The following DNAJB11 variants were observed in gnomAD, a reference collection of about 807,000 sequenced individuals.
DNAJB11 encodes dnaJ homolog subfamily B member 11.
Under a neutral mutation model 47.2 loss-of-function variants are expected in DNAJB11, and 30 were observed. The ratio of observed to expected loss-of-function variants is 0.64; its 90% CI spans 0.48 to 0.86. DNAJB11 has a LOEUF of 0.86. Among genes scored for constraint, DNAJB11 ranks in the 40% least tolerant of loss-of-function variants. DNAJB11 has a pLI of 0.00. For missense variants in DNAJB11, 357 were observed against 440.2 expected, an observed-to-expected ratio of 0.81 and a Z score of 1.69; for synonymous variants, 151 against 159.9, an observed-to-expected ratio of 0.94 and a Z score of 0.42.
chr3:186,577,528 T>C (rs1715340216), intron 3 of DNAJB11, 140 bp from the exon 4 acceptor site: 3 of 734,516 alleles, frequency 4.1e-6, no homozygotes, highest in African/African-American at 1.8e-5. Flanking sequence ...GTTGACTCCA[T>C]TGTATTAAAA....
In DNAJB11 at chr3:186,573,136, AAATT is replaced by A. The variant is rs574574978; in HGVS notation, c.225+890_225+893del. 4.6e-5 allele frequency among the ~76,000 whole-genome samples: 7 copies of A among 152,318 alleles called. No individual in the cohort carries two copies. In the South Asian group the frequency reaches 1.5e-3, roughly 32 times the overall value. ...TCATTTTCTAAATGGACACAGAAAA[AAATT>A]AATTGAACTAAAAGTCATAGAGCTA... is the stretch of plus-strand genomic sequence containing the variant. On this transcript the variant is annotated intron_variant, in intron 2 of 9. Coordinates refer to ENST00000265028, the MANE Select transcript of DNAJB11 (RefSeq NM_016306.6).
In DNAJB11 at chr3:186,577,563, C is replaced by A. The variant is rs1578989767; in HGVS notation, c.324-105C>A. On this transcript the variant is annotated intron_variant, in intron 3 of 9. Transcript: ENST00000265028. ...AAATACCTTGTAGTTTTGCACAATG[C>A]ATTGATAGAAACAATAGTTTATCAA... is the stretch of plus-strand genomic sequence containing the variant. 5.7e-6 allele frequency: 6 copies of A among 1,046,708 alleles called. No homozygotes were observed. In the East Asian group the frequency reaches 1.6e-4, roughly 28 times the overall value. The allele number at this position is 1,046,708 out of a possible 1,614,324, so 64.8% of individuals were successfully genotyped here.
At chr3:186,580,901 T>C (rs943073488) in intron 4 of DNAJB11, 13 of 152,760 alleles carry the variant, frequency 8.5e-5, no homozygotes, top group African/African-American at 3.1e-4. Flanking sequence ...TAGTCCTGGA[T>C]TGCATTTCCT....
At chr3:186,578,738 C>T (rs1316182414) in intron 4 of DNAJB11, 3 of 152,170 alleles carry the variant, frequency 2.0e-5, no homozygotes, top group Admixed American at 6.5e-5. Context: ...GTACTTCACT[C>T]TTGCTGCTAA....
intron 6 of DNAJB11, 126 bp downstream of exon 6, chr3:186,582,203 A>G: frequency 1.4e-6 from 1 of 726,162 alleles, no homozygotes. Flanking sequence ...ATAATTTCCA[A>G]CACTCTTCGG....
intron 1 of DNAJB11, among the ~76,000 whole-genome samples, chr3:186,571,431 C>G (rs1715050259): frequency 6.6e-6 from 1 of 152,138 alleles, no homozygotes; most frequent in African/African-American, 2.4e-5. Context: ...GCGGACGATG[C>G]TCTATGCCAA....
At chr3:186,573,454 G>A (rs907300358) in intron 2 of DNAJB11, among the ~76,000 whole-genome samples, 4 of 151,860 alleles carry the variant, frequency 2.6e-5, no homozygotes, top group East Asian at 1.9e-4. Context: ...GCACGATCTC[G>A]GCTCACTGCA....
chr3:186,581,515 T>C lies in DNAJB11; in HGVS notation c.599+2T>C. 1.2e-6 allele frequency: 2 copies of C among 1,610,504 alleles called. No individual in the cohort carries two copies. Among genetic ancestry groups the C allele is most frequent in the South Asian group, 1.1e-5 (1 of 90,618 alleles). ...CTGCGACGAATGCCCTAATGTCAAGTAAGTGAAAGCACCTTCTTTGTTCTA... is the reference window on the plus strand; with the variant it reads ...CTGCGACGAATGCCCTAATGTCAAGCAAGTGAAAGCACCTTCTTTGTTCTA... On this transcript the variant is annotated splice_donor_variant, in intron 5 of 9. Transcript: ENST00000265028. LOFTEE classifies it high-confidence loss of function.
At chr3:186,573,785 G>A (rs561470063) in intron 2 of DNAJB11, among the ~76,000 whole-genome samples, 1 of 152,238 alleles carries the variant, frequency 6.6e-6, no homozygotes, top group African/African-American at 2.4e-5. Context: ...TTGATAATAT[G>A]CATTCTATAT....
At chr3:186,574,119 A>G (rs977888788) in intron 2 of DNAJB11, among the ~76,000 whole-genome samples, 2 of 152,260 alleles carry the variant, frequency 1.3e-5, no homozygotes, top group African/African-American at 4.8e-5. Context: ...TGTTTTCTCT[A>G]CAGAGCTAGG....
At chr3:186,574,289 G>A (rs1715187584) in intron 2 of DNAJB11, among the ~76,000 whole-genome samples, 1 of 152,196 alleles carries the variant, frequency 6.6e-6, no homozygotes, top group Non-Finnish European at 1.5e-5. Flanking sequence ...GACTTCAAGA[G>A]TAGTTTTTAG....
intron 4 of DNAJB11, chr3:186,578,148 A>G (rs11926038): frequency 0.26 from 40,095 of 154,392 alleles, 6,428 homozygotes; most frequent in African/African-American, 0.45. Flanking sequence ...CCTGAATAAT[A>G]TATTGTTTAT....
At chr3:186,577,221 CAT>C (rs1482662808) in intron 3 of DNAJB11, among the ~76,000 whole-genome samples, 1 of 152,168 alleles carries the variant, frequency 6.6e-6, no homozygotes, top group African/African-American at 2.4e-5. Flanking sequence ...GAGAACACTA[CAT>C]ATGTTAAAAT....
chr3:186,582,504 G>A (rs1715519233), intron 6 of DNAJB11, among the ~76,000 whole-genome samples: 1 of 152,168 alleles, frequency 6.6e-6, no homozygotes, highest in South Asian at 2.1e-4. Context: ...CTTTGTTTAG[G>A]AAATGGGTCA....
intron 7 of DNAJB11, among the ~76,000 whole-genome samples, chr3:186,583,003 ATAAG>A (rs1263192092): frequency 3.9e-5 from 6 of 152,226 alleles, no homozygotes; most frequent in Admixed American, 3.9e-4. Context: ...GAAATAATTG[ATAAG>A]TAAGGAGTTA....
Position 186,581,363 on chromosome 3 carries a change from C to T in DNAJB11, c.457-8C>T. The T allele has an allele frequency of 6.2e-7, 1 of 1,613,420 alleles. No homozygotes were observed. The highest frequency in any genetic ancestry group is 2.2e-5 in the East Asian group (1 of 44,866). On this transcript the variant is annotated splice_region_variant and splice_polypyrimidine_tract_variant and intron_variant, in intron 4 of 9. Transcript: ENST00000265028. ...GAGAGAAGCTGATGTTGTTTATGCA[C>T]TTCCTAGGTAGTTAGAAACAAACCT... is the stretch of plus-strand genomic sequence containing the variant.
In DNAJB11 at chr3:186,582,019, G is replaced by T. The variant is rs1257175422; in HGVS notation, c.624G>T (p.Leu208=). 2 of 1,613,752 alleles carry T rather than the reference G, an allele frequency of 1.2e-6. No individual in the cohort carries two copies. Among genetic ancestry groups the T allele is most frequent in the South Asian group, 1.1e-5 (1 of 91,044 alleles). ...NVKLVNEERT[L]EVEIEPGVRD... ...GACTAGTGAATGAAGAACGAACGCT[G>T]GAAGTAGAAATAGAGCCTGGGGTGA... The change falls in exon 6 of 10, where the codon CTG becomes CTT. Residue 208 remains leucine (L), a synonymous_variant. Transcript: ENST00000265028.
intron 4 of DNAJB11, chr3:186,580,955 A>G (rs1715461084): frequency 6.5e-6 from 1 of 154,032 alleles, no homozygotes; most frequent in Admixed American, 6.5e-5. Context: ...AGGATTGGAT[A>G]GTAGCCACAT....
rs41268615 is a variant in DNAJB11, at chr3:186,583,652, A to G, written c.741-213A>G. On this transcript the variant is annotated intron_variant, in intron 7 of 9. Coordinates refer to ENST00000265028, the MANE Select transcript of DNAJB11 (RefSeq NM_016306.6). ...TAATCTAATGATTATAGTTTTACTT[A>G]TACTCTGGCTTTTGCTGATTGTGTG... 9.5e-3 allele frequency among the ~76,000 whole-genome samples: 1,445 copies of G among 152,340 alleles called. 5 individuals carry two copies. Among genetic ancestry groups the G allele is most frequent in the Non-Finnish European group, 0.016 (1,056 of 68,026 alleles).
Sources: gnomAD v4.1 joint callset for allele counts (sites outside exome capture counted in the v4.1 genomes callset) on GRCh38, gnomAD v4.1.1 for gene constraint, MANE v1.5 for transcripts, NCBI Gene and HGNC (gene_info 2026-07-23, HGNC 2026-07-21) for gene names.